The following UNC5C variants were observed in gnomAD, a reference collection of about 807,000 sequenced individuals.
UNC5C encodes netrin receptor UNC5C.
Under a neutral mutation model 99.8 loss-of-function variants are expected in UNC5C, and 47 were observed. The ratio of observed to expected loss-of-function variants is 0.47; its 90% CI spans 0.37 to 0.60. UNC5C has a LOEUF of 0.60. Ranked by LOEUF, UNC5C falls within the 20% of genes least tolerant of loss-of-function variation. UNC5C has a pLI of 0.00. For synonymous variants in UNC5C, 487 were observed against 452.2 expected, an observed-to-expected ratio of 1.08 and a Z score of -0.98; for missense variants, 1,062 against 1,165.9, an observed-to-expected ratio of 0.91 and a Z score of 1.30.
intron 1 of UNC5C, among the ~76,000 whole-genome samples, chr4:95,489,697 C>T (rs1317882780): frequency 6.6e-6 from 1 of 151,698 alleles, no homozygotes; most frequent in Non-Finnish European, 1.5e-5. Context: ...GCCGTGAAAT[C>T]AGTCTCAGGA....
At chr4:95,444,982 G>A (rs1747054699) in intron 1 of UNC5C, among the ~76,000 whole-genome samples, 1 of 152,172 alleles carries the variant, frequency 6.6e-6, no homozygotes, top group East Asian at 1.9e-4. Context: ...AATAATGTCT[G>A]AGGGAACTAA....
rs1408656065 is a variant in UNC5C at position 95,173,721 on chromosome 4, GC to G, written c.2452-3390del. On this transcript the variant is annotated intron_variant, in intron 14 of 15. Coordinates refer to ENST00000453304, the MANE Select transcript of UNC5C (RefSeq NM_003728.4). ...AATTCTCTTTTTTGGTTGTGTCTCT[GC>G]CAGCCTTTGGTATCAGGATGATGCT... 2.0e-5 allele frequency among the ~76,000 whole-genome samples: 3 copies of G among 152,238 alleles called. No individual in the cohort carries two copies. The East Asian group carries it at 5.8e-4, about 29-fold the overall frequency.
At chr4:95,449,274 C>A (rs576884736) in intron 1 of UNC5C, among the ~76,000 whole-genome samples, 1 of 152,074 alleles carries the variant, frequency 6.6e-6, no homozygotes, top group African/African-American at 2.4e-5. Context: ...ATGCTTGGTA[C>A]GCAAAAGCAA....
chr4:95,354,479 A>ATTTTTTTTTTTTT (rs1553965987), intron 1 of UNC5C, among the ~76,000 whole-genome samples: 2 of 110,352 alleles, frequency 1.8e-5, no homozygotes, highest in Non-Finnish European at 3.6e-5. Context: ...ATATATATAT[A>ATTTTTTTTTTTTT]TTTTTTTTTT....
intron 4 of UNC5C, among the ~76,000 whole-genome samples, chr4:95,262,742 TTAGAGTAAAAACCTATG>T (rs1740288967): frequency 6.6e-6 from 1 of 152,170 alleles, no homozygotes; most frequent in Non-Finnish European, 1.5e-5. Context: ...ATTTATTCTA[TTAGAGTAAAAACCTATG>T]GGGGAAATGG....
rs781180442 is a variant in UNC5C at position 95,170,342 on chromosome 4, A to C, written c.2452-10T>G. The stretch of plus-strand genomic sequence containing the variant: ...CGATGCCAGTAGGTTCCTGTAGTTC[A>C]GGGACAGGAACAACACAGCATTATT... On this transcript the variant is annotated splice_polypyrimidine_tract_variant and intron_variant, in intron 14 of 15. Coordinates refer to ENST00000453304, the MANE Select transcript of UNC5C (RefSeq NM_003728.4). The C allele has an allele frequency of 6.2e-7, 1 of 1,613,210 alleles. No individual in the cohort carries two copies. Among genetic ancestry groups the C allele is most frequent in the Non-Finnish European group, 8.5e-7 (1 of 1,179,368 alleles).
At chr4:95,398,436 T>C (rs765872643) in intron 1 of UNC5C, among the ~76,000 whole-genome samples, 1 of 146,842 alleles carries the variant, frequency 6.8e-6, no homozygotes, top group African/African-American at 2.7e-5. Flanking sequence ...CATTCACTCA[T>C]TCATTCATTC....
intron 1 of UNC5C, among the ~76,000 whole-genome samples, chr4:95,522,565 A>G (rs540703622): frequency 6.6e-6 from 1 of 152,268 alleles, no homozygotes; most frequent in African/African-American, 2.4e-5. Context: ...TACACACAAA[A>G]AAAAGCTTAA....
chr4:95,530,380 A>C (rs1722610480), intron 1 of UNC5C, among the ~76,000 whole-genome samples: 1 of 152,200 alleles, frequency 6.6e-6, no homozygotes, highest in African/African-American at 2.4e-5. Context: ...CTCCATTAGG[A>C]GGTGTTCAGT....
rs978141785 is a variant in UNC5C, at chr4:95,162,591, A to C, written c.*6643T>G. On this transcript the variant is annotated 3_prime_UTR_variant, in exon 16 of 16. Coordinates refer to ENST00000453304, the MANE Select transcript of UNC5C (RefSeq NM_003728.4). ...TTGGCTGACAGAATAAATGCAGGCA[A>C]TTTACAAACCAAGGGGACTGCAGGG... is the stretch of plus-strand genomic sequence containing the variant. The C allele has an allele frequency of 6.6e-6, 1 of 152,166 alleles. No homozygotes were observed. Among genetic ancestry groups the C allele is most frequent in the African/African-American group, 2.4e-5 (1 of 41,426 alleles). The allele number at this position is 152,166 out of a possible 1,614,324, so 9.4% of individuals were successfully genotyped here.
At chr4:95,532,315 T>C (rs1722667603) in intron 1 of UNC5C, among the ~76,000 whole-genome samples, 1 of 152,108 alleles carries the variant, frequency 6.6e-6, no homozygotes, top group Non-Finnish European at 1.5e-5. Flanking sequence ...CACCTTGCTC[T>C]GTCTAGTAAC....
At chr4:95,186,475 A>G (rs945019073) in intron 12 of UNC5C, among the ~76,000 whole-genome samples, 2 of 152,194 alleles carry the variant, frequency 1.3e-5, no homozygotes, top group African/African-American at 4.8e-5. Context: ...ATGCACTTGT[A>G]GAGCAGTAAG....
intron 4 of UNC5C, among the ~76,000 whole-genome samples, chr4:95,268,926 C>T (rs1740553345): frequency 1.3e-5 from 2 of 152,166 alleles, no homozygotes; most frequent in African/African-American, 4.8e-5. Flanking sequence ...GTACATTAAT[C>T]AAACAAATGG....
intron 1 of UNC5C, among the ~76,000 whole-genome samples, chr4:95,368,297 G>GAAAAAA (rs71583699): frequency 1.7e-4 from 23 of 133,794 alleles, no homozygotes; most frequent in Non-Finnish European, 2.9e-4. Flanking sequence ...CATCTTTTTT[G>GAAAAAA]AAAAAAAAAA....
chr4:95,496,393 TTTG>T lies in UNC5C; in HGVS notation c.124+52338_124+52340del, dbSNP rs532441650. Among the ~76,000 whole-genome samples, 371 of 151,932 alleles carry T rather than the reference TTTG, an allele frequency of 2.4e-3. 1 individual carries two copies. Among genetic ancestry groups the T allele is most frequent in the Non-Finnish European group, 3.7e-3 (253 of 67,826 alleles). On this transcript the variant is annotated intron_variant, in intron 1 of 15. Transcript: ENST00000453304. ...TATTTCAAATTACACTATCCCTAAA[TTTG>T]TGGTGTATAATGTATTTTAAATATA... is the stretch of plus-strand genomic sequence containing the variant.
chr4:95,497,537 A>C (rs1383201294), intron 1 of UNC5C, among the ~76,000 whole-genome samples: 1 of 151,962 alleles, frequency 6.6e-6, no homozygotes, highest in Non-Finnish European at 1.5e-5. Context: ...CACGCTGTGT[A>C]GATAAGACAT....
At chr4:95,263,508 G>A in intron 4 of UNC5C, among the ~76,000 whole-genome samples, 1 of 152,140 alleles carries the variant, frequency 6.6e-6, no homozygotes. Context: ...GTGGGAGTTG[G>A]AGGTCAGTGA....
At chr4:95,538,700 T>A (rs1044930113) in intron 1 of UNC5C, among the ~76,000 whole-genome samples, 6 of 152,132 alleles carry the variant, frequency 3.9e-5, no homozygotes, top group Admixed American at 2.6e-4. Flanking sequence ...AGTTCAAAAA[T>A]GCCAAGTGAT....
chr4:95,495,463 G>A lies in UNC5C; in HGVS notation c.124+53271C>T, dbSNP rs115043848. Among the ~76,000 whole-genome samples the A allele has an allele frequency of 7.5e-4, 114 of 151,568 alleles. 1 individual carries two copies. Among genetic ancestry groups the A allele is most frequent in the African/African-American group, 2.7e-3 (113 of 41,438 alleles). On this transcript the variant is annotated intron_variant, in intron 1 of 15. Transcript: ENST00000453304. ...TCTGTGGCACTGATGAAACCCCTGAGGATAGCAGATGTTATTTGGAATTGA... is the reference window on the plus strand; with the variant it reads ...TCTGTGGCACTGATGAAACCCCTGAAGATAGCAGATGTTATTTGGAATTGA...
Sources: allele counts gnomAD v4.1 joint callset (sites outside exome capture counted in the v4.1 genomes callset), GRCh38; gene constraint gnomAD v4.1.1; transcripts MANE v1.5; gene names NCBI Gene and HGNC (gene_info 2026-07-23, HGNC 2026-07-21).